Variants in ERO1B observed in about 807,000 individuals in gnomAD.
ERO1B encodes the protein endoplasmic reticulum oxidoreductase 1 beta, also known as ERO1-like protein beta.
In ERO1B, 49 loss-of-function variants were observed where a neutral mutation model predicts 75.3. That is an observed-to-expected ratio of 0.65 (90% CI 0.52 to 0.83). ERO1B has a LOEUF of 0.83. Ranked by LOEUF, ERO1B falls within the 40% of genes least tolerant of loss-of-function variation. The pLI is 0.00. For synonymous variants in ERO1B, 191 were observed against 192.9 expected (o/e 0.99, Z 0.08); for missense variants, 512 against 560.1 (o/e 0.91, Z 0.87).
chr1:236,262,348 A>G (rs952036109), intron 2 of ERO1B, among the ~76,000 whole-genome samples: 1 of 152,090 alleles, frequency 6.6e-6, no homozygotes, highest in Non-Finnish European at 1.5e-5. Context: ...AGGTATCCAC[A>G]TTGCTTGCTT....
intron 2 of ERO1B, among the ~76,000 whole-genome samples, chr1:236,268,645 G>A (rs1045619094): frequency 6.6e-6 from 1 of 152,136 alleles, no homozygotes; most frequent in South Asian, 2.1e-4. Flanking sequence ...CCAGCACTTT[G>A]GGAGGCCAAG....
At chr1:236,237,089 T>C (rs1664563310) in intron 6 of ERO1B, among the ~76,000 whole-genome samples, 1 of 148,366 alleles carries the variant, frequency 6.7e-6, no homozygotes. Flanking sequence ...CCCAAATGAG[T>C]ATTTACCCCG....
At chr1:236,244,501 C>T (rs1286151787) in intron 5 of ERO1B, among the ~76,000 whole-genome samples, 2 of 152,056 alleles carry the variant, frequency 1.3e-5, no homozygotes, top group African/African-American at 4.8e-5. Flanking sequence ...ACAATAATGC[C>T]TAATTACAGC....
At position 236,239,821 on chromosome 1, in the gene ERO1B, A is replaced by ATGTG. The variant is rs1217469279; in HGVS notation, c.506-3427_506-3424dup. 5.3e-3 allele frequency among the ~76,000 whole-genome samples: 671 copies of ATGTG among 125,562 alleles called. 15 individuals are homozygous for ATGTG. The highest frequency in any genetic ancestry group is 0.018 in the African/African-American group (602 of 33,230). The allele number at this position is 125,562 out of a possible 152,430, so 82.4% of individuals were successfully genotyped here. On this transcript the variant is annotated intron_variant, in intron 6 of 15. Transcript: ENST00000354619. ...TATATATATATGTGTGTATATATAT[A>ATGTG]TGTGTATATATATGTGTATATATAT...
At position 236,215,383 on chromosome 1, in the gene ERO1B, CTA is replaced by C. The variant is rs574406222; in HGVS notation, c.*3131_*3132del. 6.6e-6 allele frequency among the ~76,000 whole-genome samples: 1 copy of C among 152,152 alleles called. No homozygotes were observed. Among genetic ancestry groups the C allele is most frequent in the Non-Finnish European group, 1.5e-5 (1 of 68,020 alleles). ...AACGGTGTATTCTTTTAAAGCCAAA[CTA>C]TGCATGTAAAAGCCCTTAATACAAT... On this transcript the variant is annotated 3_prime_UTR_variant, in exon 16 of 16. Coordinates refer to ENST00000354619, the MANE Select transcript of ERO1B (RefSeq NM_019891.4).
chr1:236,251,379 T>G (rs1665024583), intron 4 of ERO1B: 2 of 419,976 alleles, frequency 4.8e-6, no homozygotes, highest in Non-Finnish European at 6.4e-6. Flanking sequence ...AACTGGGAAA[T>G]GGCTGAGGGG....
chr1:236,227,598 C>G (rs1476428288), intron 10 of ERO1B, among the ~76,000 whole-genome samples: 1 of 152,196 alleles, frequency 6.6e-6, no homozygotes, highest in African/African-American at 2.4e-5. Context: ...TTCCCTCCTT[C>G]ATCCAACAGG....
At chr1:236,242,946 A>G (rs906258664) in intron 6 of ERO1B, among the ~76,000 whole-genome samples, 2 of 152,224 alleles carry the variant, frequency 1.3e-5, no homozygotes, top group Non-Finnish European at 2.9e-5. Context: ...CCCCAGCATT[A>G]GAAAGCATCT....
chr1:236,236,879 G>A (rs946692603), intron 6 of ERO1B, among the ~76,000 whole-genome samples: 1 of 151,924 alleles, frequency 6.6e-6, no homozygotes, highest in South Asian at 2.1e-4. Context: ...TGAAGTAAAC[G>A]GCTCCATAAC....
intron 2 of ERO1B, among the ~76,000 whole-genome samples, chr1:236,260,113 A>G (rs986925160): frequency 3.9e-5 from 6 of 152,164 alleles, no homozygotes; most frequent in African/African-American, 1.2e-4. Flanking sequence ...AAATAGACAA[A>G]CCTTTAGCTA....
At chr1:236,252,135 A>AT (rs753122824) in intron 3 of ERO1B, 44 bp from the exon 4 acceptor site, 45 of 1,316,182 alleles carry the variant, frequency 3.4e-5, no homozygotes, top group East Asian at 9.3e-5. Context: ...AGTGATCTTT[A>AT]TTTTTTTTGG....
At chr1:236,224,083 T>C (rs1664221761) in intron 13 of ERO1B, among the ~76,000 whole-genome samples, 1 of 151,960 alleles carries the variant, frequency 6.6e-6, no homozygotes, top group South Asian at 2.1e-4. Context: ...CTCACCAGAG[T>C]GTGAGGAAAC....
intron 2 of ERO1B, among the ~76,000 whole-genome samples, chr1:236,264,610 A>C (rs1223019842): frequency 6.6e-6 from 1 of 152,010 alleles, no homozygotes; most frequent in African/African-American, 2.4e-5. Context: ...TTGAGAGGCC[A>C]AGGTGGGCAG....
At chr1:236,258,617 G>T (rs1260997508) in intron 2 of ERO1B, among the ~76,000 whole-genome samples, 2 of 152,078 alleles carry the variant, frequency 1.3e-5, no homozygotes, top group African/African-American at 4.8e-5. Flanking sequence ...CTGGGTGCAG[G>T]GGCTTACACC....
At chr1:236,238,014 T>C (rs1450228370) in intron 6 of ERO1B, among the ~76,000 whole-genome samples, 2 of 152,176 alleles carry the variant, frequency 1.3e-5, no homozygotes, top group African/African-American at 4.8e-5. Flanking sequence ...TGGTTTTTTG[T>C]ATTTTTAGTA....
intron 3 of ERO1B, among the ~76,000 whole-genome samples, chr1:236,252,959 GTTT>G (rs11378310): frequency 2.0e-5 from 3 of 150,994 alleles, no homozygotes; most frequent in Non-Finnish European, 4.4e-5. Flanking sequence ...TTAAGTATAG[GTTT>G]TTTTTTAAAT....
In ERO1B at chr1:236,251,901, C is replaced by T. The variant is rs551929190; in HGVS notation, c.348+149G>A. 39 of 603,122 alleles carry T rather than the reference C, an allele frequency of 6.5e-5. No individual in the cohort carries two copies. The East Asian group carries it at 6.7e-4, about 10-fold the overall frequency. 37.4% of individuals were successfully genotyped at this position (603,122 alleles called of 1,614,324 possible). A position where few individuals can be genotyped will look rare whatever the true frequency, so the allele number is the denominator to read the frequency against. ...AGAAATGTACAATCTATCTGCTTGA[C>T]GCAAGAGTTAGGGATTTGGAATTCT... is the stretch of plus-strand genomic sequence containing the variant. On this transcript the variant is annotated intron_variant, in intron 4 of 15. Coordinates refer to ENST00000354619, the MANE Select transcript of ERO1B (RefSeq NM_019891.4).
rs1665846201 is a variant in ERO1B at position 236,281,894 on chromosome 1, G to A, written c.-111C>T. 1.4e-6 allele frequency: 1 copy of A among 704,094 alleles called. No individual in the cohort carries two copies. The highest frequency in any genetic ancestry group is 2.0e-6 in the Non-Finnish European group (1 of 493,682). The allele number at this position is 704,094 out of a possible 1,614,324, so 43.6% of individuals were successfully genotyped here. A position where few individuals can be genotyped will look rare whatever the true frequency, so the allele number is the denominator to read the frequency against. ...TTCCCAGCGGCCGAGCGACTCCAGGGTCAGAGGTCTGCACTCCAGTCCGGA... is the reference window on the plus strand; with the variant it reads ...TTCCCAGCGGCCGAGCGACTCCAGGATCAGAGGTCTGCACTCCAGTCCGGA... On this transcript the variant is annotated 5_prime_UTR_variant, in exon 1 of 16. Transcript: ENST00000354619.
chr1:236,242,412 A>T (rs1391161882), intron 6 of ERO1B, among the ~76,000 whole-genome samples: 1 of 152,166 alleles, frequency 6.6e-6, no homozygotes, highest in African/African-American at 2.4e-5. Flanking sequence ...TAGAGAGGAC[A>T]GATACTTCAT....
Sources: allele counts gnomAD v4.1 joint callset (sites outside exome capture counted in the v4.1 genomes callset), GRCh38; gene constraint gnomAD v4.1.1; transcripts MANE v1.5; gene names NCBI Gene and HGNC (gene_info 2026-07-23, HGNC 2026-07-21).